UNC13B: variants seen among roughly 807,000 people sequenced by gnomAD.
The protein encoded by UNC13B is protein unc-13 homolog B.
Under a neutral mutation model 211.0 loss-of-function variants are expected in UNC13B, and 144 were observed. The observed-to-expected ratio is 0.68, with a 90% confidence interval of 0.60 to 0.78. The LOEUF (loss-of-function observed/expected upper bound fraction) is 0.78, where lower values mean the gene tolerates loss of function less well. Among genes scored for constraint, UNC13B ranks in the 30% least tolerant of loss-of-function variants. UNC13B has a pLI of 0.00. For synonymous variants in UNC13B, 709 were observed against 725.8 expected (o/e 0.98, Z 0.37); for missense variants, 1,777 against 2,002.0 (o/e 0.89, Z 2.14).
intron 1 of UNC13B, among the ~76,000 whole-genome samples, chr9:35,163,480 A>G (rs1820881163): frequency 6.6e-6 from 1 of 152,026 alleles, no homozygotes; most frequent in African/African-American, 2.4e-5. Flanking sequence ...TTCTTCTTTC[A>G]TGGTTGATTT....
intron 7 of UNC13B, among the ~76,000 whole-genome samples, chr9:35,283,023 C>T (rs1828594318): frequency 6.6e-6 from 1 of 152,108 alleles, no homozygotes; most frequent in Non-Finnish European, 1.5e-5. Flanking sequence ...ATTTTTTCCC[C>T]AATTTGTAGA....
Position 35,400,349 on chromosome 9 carries a change from C to G in UNC13B, c.12390C>G (p.Ser4130Arg). 6.2e-7 allele frequency: 1 copy of G among 1,614,158 alleles called. No individual in the cohort carries two copies. Among genetic ancestry groups the G allele is most frequent in the Non-Finnish European group, 8.5e-7 (1 of 1,180,010 alleles). The change falls in exon 37 of 40, where the codon AGC becomes AGG. Residue 4130 changes from serine to arginine, a missense_variant. Coordinates refer to ENST00000635942, the MANE Select transcript of UNC13B (RefSeq NM_001371189.2). ...TGAAGAAAACCTTCCTGGAGAAGAG[C>G]CCAGATCTGCAGTCTCTACGCTATG... Reference protein sequence around the residue: ...NGLKKTFLEKSPDLQSLRYAL... With the variant: ...NGLKKTFLEKRPDLQSLRYAL...
intron 1 of UNC13B, among the ~76,000 whole-genome samples, chr9:35,225,200 A>C (rs1190357056): frequency 6.6e-6 from 1 of 152,054 alleles, no homozygotes; most frequent in Non-Finnish European, 1.5e-5. Flanking sequence ...TCACTCTGTC[A>C]CCCCCGCTGG....
At chr9:35,341,606 G>T (rs890886395) in intron 11 of UNC13B, among the ~76,000 whole-genome samples, 1 of 152,136 alleles carries the variant, frequency 6.6e-6, no homozygotes, top group Non-Finnish European at 1.5e-5. Flanking sequence ...TAGCCCAGAT[G>T]TGAGAGAGGT....
intron 22 of UNC13B, chr9:35,384,583 T>A (rs570569362): frequency 1.4e-4 from 141 of 985,362 alleles, no homozygotes; most frequent in Non-Finnish European, 1.6e-4. Context: ...TCTGGTGACA[T>A]TCTCATTAGG....
intron 24 of UNC13B, 47 bp from the exon 25 acceptor site, chr9:35,389,799 T>A: frequency 6.2e-7 from 1 of 1,606,584 alleles, no homozygotes; most frequent in Non-Finnish European, 8.5e-7. Flanking sequence ...CTCTACATTC[T>A]ACTCTGACTC....
chr9:35,301,422 A>T lies in UNC13B; in HGVS notation c.2018A>T (p.Asp673Val), dbSNP rs1162394053. The change falls in exon 9 of 40, where the codon GAT (aspartate) becomes GTT (valine). Residue 673 changes from aspartate (D) to valine (V), a missense_variant. Coordinates refer to ENST00000635942, the MANE Select transcript of UNC13B (RefSeq NM_001371189.2). ...IFSEKEETKK[D>V]DDQSKPPRKE... ...TCAGAAAAGGAGGAAACAAAAAAAG[A>T]TGATGACCAGAGTAAGCCACCAAGA... 2.5e-6 allele frequency: 1 copy of T among 398,700 alleles called. No homozygotes were observed. Among genetic ancestry groups the T allele is most frequent in the Non-Finnish European group, 4.4e-6 (1 of 225,946 alleles). 24.7% of individuals were successfully genotyped at this position (398,700 alleles called of 1,614,324 possible).
chr9:35,331,027 A>G (rs1239981022), intron 11 of UNC13B, among the ~76,000 whole-genome samples: 3 of 152,206 alleles, frequency 2.0e-5, no homozygotes, highest in East Asian at 3.8e-4. Flanking sequence ...GGAATAAGTC[A>G]GATTCCTCTA....
intron 27 of UNC13B, 47 bp downstream of exon 27, chr9:35,396,649 G>A: frequency 1.2e-6 from 2 of 1,610,826 alleles, no homozygotes; most frequent in Non-Finnish European, 1.7e-6. Flanking sequence ...CCCTCTGGGT[G>A]GGCAGGGCTA....
At chr9:35,227,665 G>T (rs1824925812) in intron 1 of UNC13B, 1 of 205,112 alleles carries the variant, frequency 4.9e-6, no homozygotes, top group Non-Finnish European at 9.7e-6. Flanking sequence ...AGAATAGAGG[G>T]GATTTCTATG....
chr9:35,280,576 A>C (rs1186353703), intron 7 of UNC13B, among the ~76,000 whole-genome samples: 2 of 152,136 alleles, frequency 1.3e-5, no homozygotes, highest in Non-Finnish European at 2.9e-5. Context: ...TGGGTCTAGG[A>C]CTGTCAGTAA....
chr9:35,197,696 G>A (rs1823023234), intron 1 of UNC13B, among the ~76,000 whole-genome samples: 1 of 152,140 alleles, frequency 6.6e-6, no homozygotes, highest in Non-Finnish European at 1.5e-5. Context: ...CCCCCTTGCT[G>A]TTCTTGTGAC....
rs994260247 is a variant in UNC13B, at chr9:35,190,537, GT to G, written c.22+28241del. ...TTCCTGGGGTTTCATGAGGAAAACA[GT>G]TTTTTTTTCTTCCCCCCCTCCCCCA... is the stretch of plus-strand genomic sequence containing the variant. On this transcript the variant is annotated intron_variant, in intron 1 of 39. Coordinates refer to ENST00000635942, the MANE Select transcript of UNC13B (RefSeq NM_001371189.2). Among the ~76,000 whole-genome samples, 272 of 151,200 alleles carry G rather than the reference GT, an allele frequency of 1.8e-3. 1 individual carries two copies. Among genetic ancestry groups the G allele is most frequent in the Non-Finnish European group, 2.8e-3 (190 of 67,714 alleles).
chr9:35,278,923 C>T (rs765603226), intron 7 of UNC13B, among the ~76,000 whole-genome samples: 19 of 151,938 alleles, frequency 1.3e-4, no homozygotes, highest in Non-Finnish European at 2.5e-4. Flanking sequence ...AATATATATT[C>T]CCCCACCCCC....
chr9:35,313,062 A>G (rs1005891825), intron 10 of UNC13B, among the ~76,000 whole-genome samples: 1 of 152,158 alleles, frequency 6.6e-6, no homozygotes, highest in Non-Finnish European at 1.5e-5. Context: ...TGATCGTTTT[A>G]AGAAGTGCAG....
chr9:35,303,749 G>A lies in UNC13B; in HGVS notation c.4345G>A (p.Ala1449Thr). Reference sequence around the variant, plus strand: ...CTTATTAAGAGGTGATGTGTGGGCAGCTAACTCATTATATGGAAACTCTGG... The same window carrying A: ...CTTATTAAGAGGTGATGTGTGGGCAACTAACTCATTATATGGAAACTCTGG... ...DYLLRGDVWA[A>T]NSLYGNSGPL... The change falls in exon 9 of 40, where the codon GCT (alanine) becomes ACT (threonine). Residue 1449 changes from alanine to threonine, a missense_variant. Transcript: ENST00000635942. 1 of 398,712 alleles carries A rather than the reference G, an allele frequency of 2.5e-6. No homozygotes were observed. Among genetic ancestry groups the A allele is most frequent in the Non-Finnish European group, 4.4e-6 (1 of 225,806 alleles). 24.7% of individuals were successfully genotyped at this position (398,712 alleles called of 1,614,324 possible).
At chr9:35,390,301 C>A (rs1021010773) in intron 25 of UNC13B, among the ~76,000 whole-genome samples, 6 of 152,188 alleles carry the variant, frequency 3.9e-5, no homozygotes, top group African/African-American at 1.4e-4. Flanking sequence ...TATAGCCCAC[C>A]CCCACTTGCC....
intron 20 of UNC13B, 85 bp downstream of exon 20, chr9:35,381,804 T>C: frequency 6.6e-7 from 1 of 1,522,624 alleles, no homozygotes; most frequent in South Asian, 1.2e-5. Context: ...GGCAGGTCCT[T>C]AGTGAGGTAG....
intron 24 of UNC13B, among the ~76,000 whole-genome samples, chr9:35,387,496 G>A (rs1835264088): frequency 6.6e-6 from 1 of 152,122 alleles, no homozygotes; most frequent in Non-Finnish European, 1.5e-5. Flanking sequence ...AGGTTTTCCT[G>A]AGGCCTTTGT....
Sources: allele counts gnomAD v4.1 joint callset (sites outside exome capture counted in the v4.1 genomes callset), GRCh38; gene constraint gnomAD v4.1.1; transcripts MANE v1.5; gene names NCBI Gene and HGNC (gene_info 2026-07-23, HGNC 2026-07-21).